ITGAE: variants seen among roughly 807,000 people sequenced by gnomAD.
ITGAE encodes the protein integrin alpha-E.
A neutral mutation model predicts 136.5 loss-of-function variants in ITGAE; 99 were observed. The ratio of observed to expected loss-of-function variants is 0.73; its 90% CI spans 0.62 to 0.86. ITGAE has a LOEUF of 0.86. Ranked by LOEUF, ITGAE falls within the 40% of genes least tolerant of loss-of-function variation. ITGAE has a pLI of 0.00. For missense variants in ITGAE, 1,447 were observed against 1,515.3 expected (o/e 0.95, Z 0.75); for synonymous variants, 613 against 591.8 (o/e 1.04, Z -0.52).
Position 3,801,188 on chromosome 17 carries a change from C to A in ITGAE, c.-44G>T. On this transcript the variant is annotated 5_prime_UTR_variant, in exon 1 of 31. Transcript: ENST00000263087. ...GGCTGTGTGGGAGCCGAGGCGAGTG[C>A]GACACATGGGCCGTGGCCCACTCAG... 1 of 1,604,244 alleles carries A rather than the reference C, an allele frequency of 6.2e-7. No homozygotes were observed. Among genetic ancestry groups the A allele is most frequent in the Non-Finnish European group, 8.5e-7 (1 of 1,178,354 alleles).
At chr17:3,748,118 T>G (rs1207343264) in intron 16 of ITGAE, 66 bp from the exon 17 acceptor site, 21 of 1,520,230 alleles carry the variant, frequency 1.4e-5, no homozygotes, top group Non-Finnish European at 1.9e-5. Context: ...GCCTGGCTGA[T>G]TGGTTCATGC....
rs769505239 is a variant in ITGAE at position 3,757,807 on chromosome 17, T to A, written c.919A>T (p.Met307Leu). 7 of 1,614,048 alleles carry A rather than the reference T, an allele frequency of 4.3e-6. No individual in the cohort carries two copies. The highest frequency in any genetic ancestry group is 5.9e-6 in the Non-Finnish European group (7 of 1,180,028). Residue 307 changes from methionine (M) to leucine (L), a missense_variant, in exon 9 of 31, where the codon ATG becomes TTG. Around this residue, in one of 3 missense-constraint regions of ITGAE, gnomAD observed 310 missense variants for 416.1 expected, o/e 0.74. Transcript: ENST00000263087. Reference protein sequence around the residue: ...HGSRRKASKVMVVLTDGGIFE... With the variant: ...HGSRRKASKVLVVLTDGGIFE... ...ATGCCACCATCGGTGAGCACCACCATGACCTTGGATGCCTTTCTCCTGGAG... is the reference window on the plus strand; with the variant it reads ...ATGCCACCATCGGTGAGCACCACCAAGACCTTGGATGCCTTTCTCCTGGAG...
chr17:3,729,709 C>T (rs2051297926), intron 23 of ITGAE, 154 bp from the exon 24 acceptor site: 2 of 619,400 alleles, frequency 3.2e-6, no homozygotes, highest in Admixed American at 2.2e-5. Context: ...ATTCTCATGC[C>T]TCAGCCTCCT....
intron 2 of ITGAE, among the ~76,000 whole-genome samples, chr17:3,770,830 A>G (rs1454583540): frequency 6.6e-6 from 1 of 152,090 alleles, no homozygotes; most frequent in Non-Finnish European, 1.5e-5. Flanking sequence ...TCTCTCCTGC[A>G]CCCTGGCCTT....
At chr17:3,724,178 G>T in intron 26 of ITGAE, 1 of 1,591,828 alleles carries the variant, frequency 6.3e-7, no homozygotes, top group Non-Finnish European at 8.5e-7. Context: ...GGCGGCGGAG[G>T]CGTCCCGGCG....
In ITGAE at chr17:3,745,754, C is replaced by T. The variant is rs374900116; in HGVS notation, c.2319+10G>A. 31 of 1,612,946 alleles carry T rather than the reference C, an allele frequency of 1.9e-5. No homozygotes were observed. In the East Asian group the frequency reaches 2.0e-4, roughly 10 times the overall value. On this transcript the variant is annotated intron_variant, in intron 18 of 30. Transcript: ENST00000263087. ...CCCCTCCTGACTCCCATCCAAACTC[C>T]GTCACTTACCTCTCCCTCTGTGGGC...
intron 2 of ITGAE, among the ~76,000 whole-genome samples, chr17:3,767,593 T>G (rs904887491): frequency 3.3e-5 from 5 of 152,150 alleles, no homozygotes; most frequent in African/African-American, 7.2e-5. Flanking sequence ...TCGTCCTGCC[T>G]TGTTGATGGT....
Position 3,761,187 on chromosome 17 carries a change from C to G in ITGAE, c.434-10G>C. ...GGATCCAGGAGATTTTCTTTAAAAACACACATGGAAGAGCTCAGAGTCAGA... is the reference window on the plus strand; with the variant it reads ...GGATCCAGGAGATTTTCTTTAAAAAGACACATGGAAGAGCTCAGAGTCAGA... On this transcript the variant is annotated splice_polypyrimidine_tract_variant and intron_variant, in intron 5 of 30. Coordinates refer to ENST00000263087, the MANE Select transcript of ITGAE (RefSeq NM_002208.5). The G allele has an allele frequency of 7.0e-7, 1 of 1,423,878 alleles. No individual in the cohort carries two copies. 88.2% of individuals were successfully genotyped at this position (1,423,878 alleles called of 1,614,324 possible). A position where few individuals can be genotyped will look rare whatever the true frequency, so the allele number is the denominator to read the frequency against.
chr17:3,718,648 G>A (rs1036882167), intron 29 of ITGAE, among the ~76,000 whole-genome samples: 2 of 152,182 alleles, frequency 1.3e-5, no homozygotes, highest in African/African-American at 2.4e-5. Flanking sequence ...TTTAAAGAAA[G>A]GAATTTTGGG....
At chr17:3,753,206 C>T in intron 14 of ITGAE, 84 bp downstream of exon 14, 1 of 1,474,170 alleles carries the variant, frequency 6.8e-7, no homozygotes, top group Non-Finnish European at 9.2e-7. Flanking sequence ...CAGGCAGGGC[C>T]AGGGCACTCC....
chr17:3,770,225 T>C (rs537794722), intron 2 of ITGAE, among the ~76,000 whole-genome samples: 1 of 151,952 alleles, frequency 6.6e-6, no homozygotes, highest in East Asian at 1.9e-4. Context: ...GTTCAAGTGA[T>C]TCTCCTGCCT....
rs1425002352 is a variant in ITGAE, at chr17:3,750,404, C to T, written c.1972G>A (p.Asp658Asn). 5 of 1,614,174 alleles carry T rather than the reference C, an allele frequency of 3.1e-6. No individual in the cohort carries two copies. Among genetic ancestry groups the T allele is most frequent in the South Asian group, 2.2e-5 (2 of 91,084 alleles). ...CCCACGGTGATGTCGGCAAGGCCGT[C>T]GCCACTAATATCAAAGCCACCAGCC... The part of the protein sequence containing the change: ...SMAGGFDISG[D>N]GLADITVGTL... The change falls in exon 16 of 31, where the codon GAC becomes AAC. Residue 658 changes from aspartate to asparagine, a missense_variant. By Grantham distance (23) the Asp-to-Asn change is conservative. This residue lies in a region of ITGAE where 1,031 missense variants were observed against 1,011.4 expected (regional missense o/e 1.02). Coordinates refer to ENST00000263087, the MANE Select transcript of ITGAE (RefSeq NM_002208.5).
intron 9 of ITGAE, among the ~76,000 whole-genome samples, 199 bp downstream of exon 9, chr17:3,757,504 CACT>C (rs1387476875): frequency 1.3e-5 from 2 of 152,184 alleles, no homozygotes; most frequent in African/African-American, 4.8e-5. Context: ...GCTCTCCCAC[CACT>C]ATTTGGCCAG....
chr17:3,729,506 T>C lies in ITGAE; in HGVS notation c.2884A>G (p.Arg962Gly), dbSNP rs777669421. Reference protein sequence around the residue: ...LANETHTLQFRHGFVAVLSKP... With the variant: ...LANETHTLQFGHGFVAVLSKP... Reference sequence around the variant, plus strand: ...GACAGAACTGCAACGAAGCCATGCCTGAATTGAAGGGTGTGGGTCTCGTTG... The same window carrying C: ...GACAGAACTGCAACGAAGCCATGCCCGAATTGAAGGGTGTGGGTCTCGTTG... Residue 962 changes from arginine (R) to glycine (G), a missense_variant, in exon 24 of 31, where the codon AGG becomes GGG. Around this residue, in one of 3 missense-constraint regions of ITGAE, gnomAD observed 1,031 missense variants for 1,011.4 expected, o/e 1.02. Transcript: ENST00000263087. 1.2e-6 allele frequency: 2 copies of C among 1,612,002 alleles called. No homozygotes were observed. Among genetic ancestry groups the C allele is most frequent in the South Asian group, 2.2e-5 (2 of 91,016 alleles).
At chr17:3,743,706 T>TTC in intron 18 of ITGAE, 89 bp from the exon 19 acceptor site, 1 of 455,430 alleles carries the variant, frequency 2.2e-6, no homozygotes, top group Non-Finnish European at 2.8e-6. Context: ...TCTTTTTTTC[T>TTC]TTTTTTTTTT....
chr17:3,750,059 G>A (rs1446342561), intron 16 of ITGAE, among the ~76,000 whole-genome samples: 2 of 152,132 alleles, frequency 1.3e-5, no homozygotes, highest in Admixed American at 6.5e-5. Context: ...CACAGCCATC[G>A]CTGAGCACTG....
intron 13 of ITGAE, 76 bp downstream of exon 13, chr17:3,753,707 G>A (rs1004088935): frequency 1.7e-5 from 26 of 1,566,766 alleles, no homozygotes; most frequent in East Asian, 4.6e-5. Context: ...GTGCACCGTG[G>A]GACCCACTCC....
At chr17:3,788,366 T>C (rs1417833783) in intron 1 of ITGAE, among the ~76,000 whole-genome samples, 1 of 151,854 alleles carries the variant, frequency 6.6e-6, no homozygotes, top group Non-Finnish European at 1.5e-5. Flanking sequence ...CACAGTTCAC[T>C]GCAGCCTCAA....
At position 3,753,440 on chromosome 17, in the gene ITGAE, G is replaced by A. The variant is rs201683737; in HGVS notation, c.1528-10C>T. ...CAAAATAGGACCCCATCTACAGCCC[G>A]GGAGGAACTCAGCTCACCAGGAGCC... On this transcript the variant is annotated splice_polypyrimidine_tract_variant and intron_variant, in intron 13 of 30. Coordinates refer to ENST00000263087, the MANE Select transcript of ITGAE (RefSeq NM_002208.5). The A allele has an allele frequency of 7.0e-4, 1,134 of 1,611,882 alleles. No homozygotes were observed. Among genetic ancestry groups the A allele is most frequent in the Non-Finnish European group, 9.1e-4 (1,076 of 1,178,396 alleles).
Sources: gnomAD v4.1 joint callset for allele counts (sites outside exome capture counted in the v4.1 genomes callset) on GRCh38, gnomAD v4.1.1 for gene constraint, gnomAD v4.1.1 regional missense constraint, MANE v1.5 for transcripts, NCBI Gene and HGNC (gene_info 2026-07-23, HGNC 2026-07-21) for gene names.